The following NPFFR2 variants were observed in gnomAD, a reference collection of about 807,000 sequenced individuals.
NPFFR2 encodes neuropeptide FF receptor 2.
NPFFR2 carries 15 observed loss-of-function variants against 13.1 expected under a neutral mutation model. The observed-to-expected ratio is 1.15, with a 90% CI of 0.77 to 1.76. NPFFR2 has a LOEUF of 1.76. NPFFR2 is among the 40% of genes most tolerant of loss of function. NPFFR2 has a pLI of 0.00. For synonymous variants in NPFFR2, 190 were observed against 175.7 expected (o/e 1.08, Z -0.65); for missense variants, 572 against 503.5 (o/e 1.14, Z -1.30).
chr4:72,131,153 C>T (rs181268156), intron 2 of NPFFR2, among the ~76,000 whole-genome samples: 95 of 151,924 alleles, frequency 6.3e-4, no homozygotes, highest in Non-Finnish European at 1.0e-3. Flanking sequence ...GTATAGGATG[C>T]GGGGCGTGGC....
chr4:72,132,569 G>A, intron 2 of NPFFR2, among the ~76,000 whole-genome samples: 1 of 152,188 alleles, frequency 6.6e-6, no homozygotes, highest in East Asian at 1.9e-4. Context: ...TTGAGGCATT[G>A]CCACATTGTC....
intron 1 of NPFFR2, among the ~76,000 whole-genome samples, chr4:72,045,311 A>G (rs192660192): frequency 6.6e-5 from 10 of 152,210 alleles, no homozygotes; most frequent in African/African-American, 2.4e-4. Context: ...ATTGTTTTCC[A>G]TCATGGCTGT....
intron 1 of NPFFR2, 102 bp downstream of exon 1, chr4:72,032,302 C>A: frequency 7.8e-7 from 1 of 1,279,440 alleles, no homozygotes; most frequent in Non-Finnish European, 1.1e-6. Flanking sequence ...CGATTGTGGA[C>A]CGACACCTTG....
At chr4:72,092,004 T>G (rs1230075770) in intron 1 of NPFFR2, among the ~76,000 whole-genome samples, 1 of 152,116 alleles carries the variant, frequency 6.6e-6, no homozygotes, top group African/African-American at 2.4e-5. Flanking sequence ...ACACTGTTTT[T>G]GCTATATCCC....
chr4:72,111,555 A>G (rs1240781799), intron 1 of NPFFR2, among the ~76,000 whole-genome samples: 1 of 152,048 alleles, frequency 6.6e-6, no homozygotes, highest in African/African-American at 2.4e-5. Flanking sequence ...ATGGGAACCA[A>G]TAATCATACC....
At chr4:72,096,338 T>G (rs1039484016) in intron 1 of NPFFR2, among the ~76,000 whole-genome samples, 1 of 152,184 alleles carries the variant, frequency 6.6e-6, no homozygotes, top group African/African-American at 2.4e-5. Flanking sequence ...AGCCTTTACA[T>G]TTTATTAGGG....
chr4:72,147,936 C>T lies in NPFFR2; in HGVS notation c.*124C>T. 2.8e-6 allele frequency: 2 copies of T among 715,318 alleles called. No homozygotes were observed. The highest frequency in any genetic ancestry group is 4.2e-6 in the Non-Finnish European group (2 of 470,738). 44.3% of individuals were successfully genotyped at this position (715,318 alleles called of 1,614,324 possible). On this transcript the variant is annotated 3_prime_UTR_variant, in exon 4 of 4. Transcript: ENST00000308744. The stretch of plus-strand genomic sequence containing the variant: ...AAATAAAACATTTACTGAAAGCCCT[C>T]TCTGGCAAAAAAATTAAAAATAAAC...
At chr4:72,068,841 T>G (rs1300787905) in intron 1 of NPFFR2, 1 of 290,884 alleles carries the variant, frequency 3.4e-6, no homozygotes. Context: ...GTTCTTAGTT[T>G]TTTTTTTTTT....
Position 72,147,726 on chromosome 4 carries a change from T to A in NPFFR2, c.1177T>A (p.Leu393Met). 6.2e-7 allele frequency: 1 copy of A among 1,611,100 alleles called. No homozygotes were observed. Among genetic ancestry groups the A allele is most frequent in the Non-Finnish European group, 8.5e-7 (1 of 1,179,306 alleles). ...STFQNPHGETLLYRKSAEKPQ... is the reference protein window; with the variant it reads ...STFQNPHGETMLYRKSAEKPQ... ...ATTTCAAAACCCTCATGGGGAAACC[T>A]TGCTTTATAGGAAAAGTGCTGAAAA... Residue 393 changes from leucine to methionine, a missense_variant, in exon 4 of 4, where the codon TTG (leucine) becomes ATG (methionine). Transcript: ENST00000308744.
intron 1 of NPFFR2, among the ~76,000 whole-genome samples, chr4:72,055,658 C>G (rs1205266516): frequency 6.6e-6 from 1 of 151,938 alleles, no homozygotes. Context: ...CAAGACAGGC[C>G]AAACCCTAGG....
chr4:72,042,657 T>G (rs1719255124), intron 1 of NPFFR2, among the ~76,000 whole-genome samples: 2 of 152,142 alleles, frequency 1.3e-5, no homozygotes, highest in African/African-American at 4.8e-5. Context: ...TTGTATGCTT[T>G]AGCAAAGAGT....
Position 72,147,530 on chromosome 4 carries a change from T to C in NPFFR2, c.981T>C (p.Ser327=). ...FAHWLAFGNS[S]VNPIIYGFFN... ...ACTGGCTGGCATTCGGCAACAGCAG[T>C]GTCAATCCCATCATTTATGGTTTCT... Residue 327 remains serine (S), a synonymous_variant, in exon 4 of 4, where the codon AGT becomes AGC. Transcript: ENST00000308744. 1.9e-6 allele frequency: 3 copies of C among 1,614,204 alleles called. No homozygotes were observed. Among genetic ancestry groups the C allele is most frequent in the South Asian group, 1.1e-5 (1 of 91,086 alleles).
chr4:72,036,896 T>C (rs1719052229), intron 1 of NPFFR2, among the ~76,000 whole-genome samples: 1 of 152,158 alleles, frequency 6.6e-6, no homozygotes, highest in Non-Finnish European at 1.5e-5. Context: ...ATTAAGTGCT[T>C]GCACATGACC....
At chr4:72,051,153 G>C (rs1217987154) in intron 1 of NPFFR2, among the ~76,000 whole-genome samples, 2 of 151,720 alleles carry the variant, frequency 1.3e-5, no homozygotes, top group Non-Finnish European at 2.9e-5. Flanking sequence ...GGGTCAAATG[G>C]TATTTCTAGT....
intron 1 of NPFFR2, among the ~76,000 whole-genome samples, chr4:72,069,495 A>G (rs370767415): frequency 4.6e-5 from 7 of 152,272 alleles, no homozygotes; most frequent in African/African-American, 9.6e-5. Flanking sequence ...TAAAAAGTGA[A>G]CTTTTAAAGC....
At chr4:72,127,146 C>CA (rs913880229) in intron 1 of NPFFR2, among the ~76,000 whole-genome samples, 7 of 149,386 alleles carry the variant, frequency 4.7e-5, no homozygotes, top group African/African-American at 9.8e-5. Flanking sequence ...ACTAAAAATA[C>CA]AAAAAAAATT....
intron 1 of NPFFR2, among the ~76,000 whole-genome samples, chr4:72,127,183 A>G (rs1319712419): frequency 4.7e-5 from 7 of 149,202 alleles, no homozygotes; most frequent in Admixed American, 2.7e-4. Flanking sequence ...GGGTGCCTGT[A>G]GTCCCAGCTA....
chr4:72,042,397 C>G (rs1274256088), intron 1 of NPFFR2, among the ~76,000 whole-genome samples: 1 of 152,082 alleles, frequency 6.6e-6, no homozygotes, highest in African/African-American at 2.4e-5. Context: ...TATTAATATC[C>G]AGAATGGGGT....
chr4:72,056,578 T>A (rs1719749784), intron 1 of NPFFR2, among the ~76,000 whole-genome samples: 1 of 151,840 alleles, frequency 6.6e-6, no homozygotes, highest in South Asian at 2.1e-4. Flanking sequence ...AAGAAATACA[T>A]TTTTTAAGGC....
Sources: allele counts gnomAD v4.1 joint callset (sites outside exome capture counted in the v4.1 genomes callset), GRCh38; gene constraint gnomAD v4.1.1; transcripts MANE v1.5; gene names NCBI Gene and HGNC (gene_info 2026-07-23, HGNC 2026-07-21).